LDB3: variants seen among roughly 807,000 people sequenced by gnomAD.
LDB3 encodes the protein LIM domain binding 3, also known as LIM domain-binding protein 3.
Under a neutral mutation model 69.0 loss-of-function variants are expected in LDB3, and 49 were observed. The ratio of observed to expected loss-of-function variants is 0.71; its 90% confidence interval spans 0.56 to 0.90. The LOEUF (loss-of-function observed/expected upper bound fraction) is 0.90. LDB3 is among the 40% of genes least tolerant of loss of function. The pLI is 0.00. For missense variants in LDB3, 928 were observed against 974.1 expected, an observed-to-expected ratio of 0.95 and a Z score of 0.63; for synonymous variants, 387 against 396.2, an observed-to-expected ratio of 0.98 and a Z score of 0.28.
chr10:86,703,227 A>G (rs967687122), intron 7 of LDB3, among the ~76,000 whole-genome samples: 7 of 152,174 alleles, frequency 4.6e-5, no homozygotes, highest in African/African-American at 1.7e-4. Flanking sequence ...TGGAGAGCAG[A>G]TAAAGGAGAT....
Position 86,716,531 on chromosome 10 carries a change from G to T in LDB3, c.1436G>T (p.Gly479Val). The change falls in exon 10 of 14, where the codon GGG becomes GTG. Residue 479 changes from glycine (G) to valine (V), a missense_variant. Gly to Val is a moderately radical substitution (Grantham distance 109). Coordinates refer to ENST00000361373, the MANE Select transcript of LDB3 (RefSeq NM_007078.3). The part of the protein sequence containing the change: ...YNPAPSVAYS[G>V]GPAEPASRPP... Reference sequence around the variant, plus strand: ...CCTGCACCCTCGGTGGCCTACAGCGGGGGCCCTGCGGAGCCTGCCAGCCGT... The same window carrying T: ...CCTGCACCCTCGGTGGCCTACAGCGTGGGCCCTGCGGAGCCTGCCAGCCGT... 1 of 1,613,100 alleles carries T rather than the reference G, an allele frequency of 6.2e-7. No individual in the cohort carries two copies. The highest frequency in any genetic ancestry group is 8.5e-7 in the Non-Finnish European group (1 of 1,179,784).
Position 86,733,844 on chromosome 10 carries a change from T to C in LDB3, c.*868T>C, listed in dbSNP as rs1216306142. On this transcript the variant is annotated 3_prime_UTR_variant, in exon 14 of 14. Transcript: ENST00000361373. Reference sequence around the variant, plus strand: ...CCTTTGTTTAGCTTTAAGGGTTCGTTAGCATGAGTGTCCAGTCGTGTGCAT... The same window carrying C: ...CCTTTGTTTAGCTTTAAGGGTTCGTCAGCATGAGTGTCCAGTCGTGTGCAT... 2.6e-5 allele frequency: 4 copies of C among 152,154 alleles called. No homozygotes were observed. Among genetic ancestry groups the C allele is most frequent in the African/African-American group, 9.7e-5 (4 of 41,344 alleles). The allele number at this position is 152,154 out of a possible 1,614,324, so 9.4% of individuals were successfully genotyped here.
chr10:86,723,607 C>T (rs575460329), intron 12 of LDB3, among the ~76,000 whole-genome samples: 5 of 152,106 alleles, frequency 3.3e-5, no homozygotes, highest in African/African-American at 9.7e-5. Flanking sequence ...CAGGTGGAGA[C>T]GGGTCAGCCC....
chr10:86,699,377 G>A lies in LDB3; in HGVS notation c.896+6806G>A, dbSNP rs1846157218. On this transcript the variant is annotated intron_variant, in intron 7 of 13. Coordinates refer to ENST00000361373, the MANE Select transcript of LDB3 (RefSeq NM_007078.3). This position sits in a 1 kb window ranked among gnomAD's most constrained non-coding sequence, Gnocchi z 4.9. Reference sequence around the variant, plus strand: ...AAATCCTTAATGTTAAAAGCTAAAAGGCTGCCTGGAATCCCCCCACCCCAA... The same window carrying A: ...AAATCCTTAATGTTAAAAGCTAAAAAGCTGCCTGGAATCCCCCCACCCCAA... The A allele has an allele frequency of 6.2e-7, 1 of 1,613,624 alleles. No homozygotes were observed.
chr10:86,682,109 A>T (rs763319213), intron 5 of LDB3, among the ~76,000 whole-genome samples: 11 of 152,156 alleles, frequency 7.2e-5, no homozygotes, highest in Non-Finnish European at 1.2e-4. Context: ...AATTCAGGAG[A>T]TTCTGACTTC....
At chr10:86,718,472 A>C (rs761157476) in intron 11 of LDB3, among the ~76,000 whole-genome samples, 1 of 152,148 alleles carries the variant, frequency 6.6e-6, no homozygotes, top group Non-Finnish European at 1.5e-5. Context: ...AATAAGCAGT[A>C]CCTCCTCCCA....
intron 2 of LDB3, among the ~76,000 whole-genome samples, chr10:86,678,351 T>TC (rs1479931949): frequency 6.9e-6 from 1 of 144,196 alleles, no homozygotes; most frequent in African/African-American, 2.6e-5. Context: ...TTTTTTTTTT[T>TC]TTTTTTAAGA....
Position 86,692,556 on chromosome 10 carries a change from C to G in LDB3, c.881C>G (p.Ala294Gly). ...TEFMQDPDEE[A>G]LRRSSTPIEH... ...ACAGTGCAAGACCCTGATGAAGAAG[C>G]TCTGCGAAGGTCAAGGTAAGTGCCT... The change falls in exon 7 of 14, where the codon GCT (alanine) becomes GGT (glycine). Residue 294 changes from alanine (A) to glycine (G), a missense_variant. Coordinates refer to ENST00000361373, the MANE Select transcript of LDB3 (RefSeq NM_007078.3). 6.2e-7 allele frequency: 1 copy of G among 1,614,244 alleles called. No individual in the cohort carries two copies. The highest frequency in any genetic ancestry group is 8.5e-7 in the Non-Finnish European group (1 of 1,180,024).
chr10:86,675,369 A>C (rs12268509), intron 2 of LDB3, among the ~76,000 whole-genome samples: 1 of 151,994 alleles, frequency 6.6e-6, no homozygotes, highest in Non-Finnish European at 1.5e-5. Context: ...ATCTGGCCCC[A>C]GCCTCTCTTG....
At chr10:86,686,205 G>A (rs1425047536) in intron 5 of LDB3, among the ~76,000 whole-genome samples, 1 of 152,230 alleles carries the variant, frequency 6.6e-6, no homozygotes, top group Non-Finnish European at 1.5e-5. Context: ...CTCTGAGGAA[G>A]AAGCACATTC....
chr10:86,670,783 G>A (rs1021745310), intron 2 of LDB3, among the ~76,000 whole-genome samples: 19 of 152,232 alleles, frequency 1.2e-4, no homozygotes, highest in African/African-American at 4.6e-4. Context: ...TCCTTTAGGG[G>A]CATACCCCAA....
At chr10:86,682,026 G>A (rs1845180747) in intron 5 of LDB3, among the ~76,000 whole-genome samples, 1 of 152,232 alleles carries the variant, frequency 6.6e-6, no homozygotes, top group Non-Finnish European at 1.5e-5. Context: ...TTTTGCAGAG[G>A]AGGAAACTGA....
At chr10:86,670,380 C>G (rs556790762) in intron 2 of LDB3, among the ~76,000 whole-genome samples, 1 of 152,168 alleles carries the variant, frequency 6.6e-6, no homozygotes, top group South Asian at 2.1e-4. Context: ...AGGACTCCTT[C>G]CTGTATAAGG....
intron 4 of LDB3, among the ~76,000 whole-genome samples, chr10:86,680,977 C>G (rs1845087038): frequency 1.3e-5 from 2 of 152,344 alleles, no homozygotes; most frequent in South Asian, 4.1e-4. Flanking sequence ...TGTGAGCTAC[C>G]CAATTCCTCA....
Position 86,680,135 on chromosome 10 carries a change from T to C in LDB3, c.299T>C (p.Leu100Pro), listed in dbSNP as rs1845030216. 1.2e-5 allele frequency: 20 copies of C among 1,614,058 alleles called. No homozygotes were observed. Among genetic ancestry groups the C allele is most frequent in the Non-Finnish European group, 1.7e-5 (20 of 1,179,994 alleles). ...ACAGCACCTCCAGTCCAGACCCCTCTGCCGGTGATCCCTCACCAGAAGGTA... is the reference window on the plus strand; with the variant it reads ...ACAGCACCTCCAGTCCAGACCCCTCCGCCGGTGATCCCTCACCAGAAGGTA... ...STTAPPVQTP[L>P]PVIPHQKDPA... is the part of the protein sequence containing the mutation. Residue 100 changes from leucine to proline, a missense_variant, in exon 4 of 14, where the codon CTG becomes CCG. Leu to Pro is a moderately conservative substitution (Grantham distance 98). Transcript: ENST00000361373.
At chr10:86,732,363 C>A (rs1847498018) in intron 13 of LDB3, 1 of 360,444 alleles carries the variant, frequency 2.8e-6, no homozygotes, top group African/African-American at 2.1e-5. Flanking sequence ...TAATTAATTT[C>A]ATTTGATTTT....
intron 2 of LDB3, among the ~76,000 whole-genome samples, chr10:86,670,520 T>C (rs1844413597): frequency 6.6e-6 from 1 of 152,144 alleles, no homozygotes; most frequent in Non-Finnish European, 1.5e-5. Flanking sequence ...TGGGTGCAAA[T>C]TGGCCACTGG....
chr10:86,685,633 G>C, intron 5 of LDB3: 1 of 1,610,950 alleles, frequency 6.2e-7, no homozygotes, highest in Middle Eastern at 1.7e-4. Context: ...CCCTGGTGGA[G>C]CCTCTCTCTG....
chr10:86,685,029 G>A (rs139842310), intron 5 of LDB3, among the ~76,000 whole-genome samples: 126 of 152,272 alleles, frequency 8.3e-4, no homozygotes, highest in African/African-American at 2.8e-3. Flanking sequence ...CTCATTGCTG[G>A]CCCAAGGGGC....
Sources: allele counts gnomAD v4.1 joint callset (sites outside exome capture counted in the v4.1 genomes callset), GRCh38; gene constraint gnomAD v4.1.1; non-coding constraint Gnocchi (gnomAD v3.1); transcripts MANE v1.5; gene names NCBI Gene and HGNC (gene_info 2026-07-23, HGNC 2026-07-21).